Variants in MLXIP observed in about 807,000 individuals in gnomAD.
MLXIP encodes MLX interacting protein.
In MLXIP, 30 loss-of-function variants were observed where a neutral mutation model predicts 87.2. The observed-to-expected ratio is 0.34, with a 90% CI of 0.26 to 0.47. The LOEUF (loss-of-function observed/expected upper bound fraction) is 0.47. MLXIP is among the 20% of genes least tolerant of loss of function. The pLI is 1.00. For missense variants in MLXIP, 1,002 were observed against 1,240.1 expected (o/e 0.81, Z 2.88); for synonymous variants, 530 against 514.0 (o/e 1.03, Z -0.42).
At position 122,135,726 on chromosome 12, in the gene MLXIP, T is replaced by C; in HGVS notation, c.2032+60T>C. The stretch of plus-strand genomic sequence containing the variant: ...GCAAGGGAAGTAACTGGGCCTGCCG[T>C]AGACCATGGGGGGTGCTTGCTGGGT... On this transcript the variant is annotated intron_variant, in intron 11 of 16. Coordinates refer to ENST00000319080, the MANE Select transcript of MLXIP (RefSeq NM_014938.6). The surrounding 1 kb of genome is among the most constrained non-coding windows in gnomAD (Gnocchi z 5.3). 6.9e-7 allele frequency: 1 copy of C among 1,442,580 alleles called. No individual in the cohort carries two copies. The highest frequency in any genetic ancestry group is 9.1e-7 in the Non-Finnish European group (1 of 1,100,778). 89.4% of individuals were successfully genotyped at this position (1,442,580 alleles called of 1,614,324 possible). A position where few individuals can be genotyped will look rare whatever the true frequency, so the allele number is the denominator to read the frequency against.
intron 1 of MLXIP, among the ~76,000 whole-genome samples, chr12:122,093,647 GGTGT>G (rs1343312349): frequency 1.6e-5 from 2 of 128,084 alleles, no homozygotes; most frequent in African/African-American, 6.0e-5. Context: ...GTGGTGTGTT[GGTGT>G]GTGTGTTGAT....
intron 1 of MLXIP, among the ~76,000 whole-genome samples, chr12:122,106,482 C>T (rs915396225): frequency 1.1e-4 from 16 of 151,878 alleles, no homozygotes; most frequent in African/African-American, 3.4e-4. Flanking sequence ...CCTGACACAT[C>T]GGGCTTTTGG....
In MLXIP at chr12:122,137,473, G is replaced by C; in HGVS notation, c.2037G>C (p.Arg679=). The C allele has an allele frequency of 6.2e-7, 1 of 1,613,686 alleles. No homozygotes were observed. Among genetic ancestry groups the C allele is most frequent in the Non-Finnish European group, 8.5e-7 (1 of 1,179,722 alleles). ...AGAGGAGTCTGTTCTTACCAGGTCGGGACTGCCCAAACTCAGGGCAGGCCT... is the reference window on the plus strand; with the variant it reads ...AGAGGAGTCTGTTCTTACCAGGTCGCGACTGCCCAAACTCAGGGCAGGCCT... The part of the protein sequence containing the change: ...SPQVTVTGPS[R]DCPNSGQASP... Residue 679 remains arginine (R), a synonymous_variant, in exon 12 of 17, where the codon CGG becomes CGC. Coordinates refer to ENST00000319080, the MANE Select transcript of MLXIP (RefSeq NM_014938.6). The surrounding 1 kb of genome is among the most constrained non-coding windows in gnomAD (Gnocchi z 4.1).
Position 122,129,227 on chromosome 12 carries a change from G to GT in MLXIP, c.696+2dup. ...GTGGAGAACCTACTTCAAGAAAAGG[G>GT]TATCTGGCTGGAGTGTTCAGGCAGC... On this transcript the variant is annotated splice_donor_variant, in intron 4 of 16. Transcript: ENST00000319080. LOFTEE classifies it high-confidence loss of function. 1.2e-6 allele frequency: 2 copies of GT among 1,605,330 alleles called. No homozygotes were observed. Among genetic ancestry groups the GT allele is most frequent in the Middle Eastern group, 3.5e-4 (2 of 5,748 alleles).
At chr12:122,131,014 G>A in intron 7 of MLXIP, 81 bp downstream of exon 7, 2 of 942,998 alleles carry the variant, frequency 2.1e-6, no homozygotes, top group Non-Finnish European at 3.4e-6. Flanking sequence ...CTTCCTTTAA[G>A]AGGCGAGACT....
intron 1 of MLXIP, among the ~76,000 whole-genome samples, chr12:122,105,711 C>T (rs962410567): frequency 1.3e-5 from 2 of 151,316 alleles, no homozygotes; most frequent in African/African-American, 2.4e-5. Flanking sequence ...CTTTTAGAGG[C>T]GGAGCTTGCA....
intron 16 of MLXIP, 197 bp downstream of exon 16, chr12:122,141,280 A>C: frequency 3.0e-6 from 1 of 337,760 alleles, no homozygotes. Context: ...TGTGTCTCCC[A>C]GCTTGTTCAG....
intron 11 of MLXIP, chr12:122,136,015 G>A (rs893383532): frequency 2.2e-5 from 5 of 226,728 alleles, no homozygotes; most frequent in Non-Finnish European, 3.5e-5. Context: ...GGGAGCATCA[G>A]CCTGGGGTTG....
rs536090059 is a variant in MLXIP, at chr12:122,141,363, G to T, written c.2638+280G>T. ...CAGGTGCCTTCAGGTGTGTTTTCTT[G>T]TTTAATTCTTATAACAACAAGCAAA... On this transcript the variant is annotated intron_variant, in intron 16 of 16. Transcript: ENST00000319080. 1.3e-3 allele frequency among the ~76,000 whole-genome samples: 199 copies of T among 152,314 alleles called. 2 individuals are homozygous for T. In the Middle Eastern group the frequency reaches 0.027, roughly 21 times the overall value.
rs768458099 is a variant in MLXIP, at chr12:122,133,478, C to T, written c.1223C>T (p.Pro408Leu). The change falls in exon 9 of 17, where the codon CCG becomes CTG. Residue 408 changes from proline (P) to leucine (L), a missense_variant. By Grantham distance (98) the Pro-to-Leu change is moderately conservative (BLOSUM62 -3). Coordinates refer to ENST00000319080, the MANE Select transcript of MLXIP (RefSeq NM_014938.6). This position sits in a 1 kb window ranked among gnomAD's most constrained non-coding sequence, Gnocchi z 4.9. ...GAACACACCTCCCGGACTGAGGACC[C>T]GTTTATCCAGCCCACGGACTTCGGT... ...GCEHTSRTED[P>L]FIQPTDFGPS... The T allele has an allele frequency of 7.4e-6, 12 of 1,613,088 alleles. No homozygotes were observed. The highest frequency in any genetic ancestry group is 2.2e-5 in the East Asian group (1 of 44,848).
intron 1 of MLXIP, among the ~76,000 whole-genome samples, chr12:122,126,600 G>C (rs946915307): frequency 1.3e-5 from 2 of 152,192 alleles, no homozygotes; most frequent in African/African-American, 4.8e-5. Context: ...AATGCCTCGT[G>C]GGGGCTGGTG....
chr12:122,130,939 G>C lies in MLXIP; in HGVS notation c.1000+6G>C. ...CACCTTTGAGCCTTTCCAGGGTGAG[G>C]ACCAGAGGCAGAGAGAGCACGGTTG... On this transcript the variant is annotated splice_donor_region_variant and intron_variant, in intron 7 of 16. Coordinates refer to ENST00000319080, the MANE Select transcript of MLXIP (RefSeq NM_014938.6). 1 of 1,605,664 alleles carries C rather than the reference G, an allele frequency of 6.2e-7. No homozygotes were observed. The highest frequency in any genetic ancestry group is 1.7e-5 in the Admixed American group (1 of 60,008).
Position 122,091,963 on chromosome 12 carries a change from A to G in MLXIP, c.413+12697A>G, listed in dbSNP as rs912507678. Reference sequence around the variant, plus strand: ...TTCTGGGGTTGTGAGTTTAATCTAGATTGAATCTGGTTTAGAAGTGAGTCT... The same window carrying G: ...TTCTGGGGTTGTGAGTTTAATCTAGGTTGAATCTGGTTTAGAAGTGAGTCT... On this transcript the variant is annotated intron_variant, in intron 1 of 16. Transcript: ENST00000319080. Among the ~76,000 whole-genome samples the G allele has an allele frequency of 3.9e-5, 6 of 152,194 alleles. No individual in the cohort carries two copies. In the East Asian group the frequency reaches 1.2e-3, roughly 29 times the overall value.
chr12:122,141,415 A>G (rs1335753155), intron 16 of MLXIP, among the ~76,000 whole-genome samples: 1 of 152,202 alleles, frequency 6.6e-6, no homozygotes, highest in African/African-American at 2.4e-5. Context: ...AAGGTTATAG[A>G]AGCTTAATAT....
chr12:122,104,321 A>G (rs868640388), intron 1 of MLXIP, among the ~76,000 whole-genome samples: 2 of 152,070 alleles, frequency 1.3e-5, no homozygotes, highest in Non-Finnish European at 2.9e-5. Context: ...CTCCTTCCCT[A>G]TCTGCGCACT....
chr12:122,118,573 C>G (rs1952727757), intron 1 of MLXIP, among the ~76,000 whole-genome samples: 2 of 152,152 alleles, frequency 1.3e-5, no homozygotes, highest in Non-Finnish European at 2.9e-5. Context: ...CCAGGCCGGG[C>G]GCAGTGGCTC....
chr12:122,106,972 A>G (rs1237397300), intron 1 of MLXIP, among the ~76,000 whole-genome samples: 5 of 152,108 alleles, frequency 3.3e-5, no homozygotes, highest in Admixed American at 1.3e-4. Context: ...CACCAGCTGC[A>G]CTAGCTTCCG....
In MLXIP at chr12:122,133,015, G is replaced by A; in HGVS notation, c.1093-333G>A. The A allele has an allele frequency of 3.8e-6, 1 of 261,164 alleles. No homozygotes were observed. The highest frequency in any genetic ancestry group is 5.0e-5 in the Admixed American group (1 of 19,906). The allele number at this position is 261,164 out of a possible 1,614,324, so 16.2% of individuals were successfully genotyped here. ...GGATTCCCGAGCAGCTGCAATCCAG[G>A]CTGCCTCTGCTCAGTAATAGAAGAT... On this transcript the variant is annotated intron_variant, in intron 8 of 16. Transcript: ENST00000319080. The surrounding 1 kb of genome is among the most constrained non-coding windows in gnomAD (Gnocchi z 4.9).
intron 15 of MLXIP, 93 bp from the exon 16 acceptor site, chr12:122,140,861 C>G (rs1045981859): frequency 1.3e-6 from 2 of 1,588,394 alleles, no homozygotes; most frequent in African/African-American, 2.7e-5. Flanking sequence ...CTTTCCAGCC[C>G]CAGGGGAAAG....
Sources: allele counts gnomAD v4.1 joint callset (sites outside exome capture counted in the v4.1 genomes callset), GRCh38; gene constraint gnomAD v4.1.1; non-coding constraint Gnocchi (gnomAD v3.1); transcripts MANE v1.5; gene names NCBI Gene and HGNC (gene_info 2026-07-23, HGNC 2026-07-21).